The following NF1 variants were observed in gnomAD, a reference collection of about 807,000 sequenced individuals.
NF1 encodes the protein neurofibromin.
NF1 carries 122 observed loss-of-function variants against 325.7 expected under a neutral mutation model. The ratio of observed to expected loss-of-function variants is 0.37; its 90% CI spans 0.32 to 0.44. The LOEUF is 0.44. Ranked by LOEUF, NF1 falls within the 20% of genes least tolerant of loss-of-function variation. The pLI is 1.00. For missense variants in NF1, 2,140 were observed against 3,415.4 expected (o/e 0.63, Z 9.31); for synonymous variants, 1,091 against 1,186.0 (o/e 0.92, Z 1.65).
rs1597658684 is a variant in NF1, at chr17:31,181,772, G to A, written c.717G>A (p.Gln239=). The A allele has an allele frequency of 1.2e-6, 2 of 1,603,714 alleles. No homozygotes were observed. The highest frequency in any genetic ancestry group is 1.7e-6 in the Non-Finnish European group (2 of 1,171,830). The change falls in exon 7 of 58, where the codon CAG becomes CAA. Residue 239 remains glutamine (Q), a synonymous_variant. Coordinates refer to ENST00000358273, the MANE Select transcript of NF1 (RefSeq NM_001042492.3). ...TTACAAAACTGTACCAGATCCCACA[G>A]ACTGATATGGCTGGTAAGGATACGA... The part of the protein sequence containing the change: ...DEFTKLYQIP[Q]TDMAECAEKL...
At position 31,352,237 on chromosome 17, in the gene NF1, C is replaced by G. The variant is rs1281985112; in HGVS notation, c.7458-20C>G. On this transcript the variant is annotated intron_variant, in intron 50 of 57. Coordinates refer to ENST00000358273, the MANE Select transcript of NF1 (RefSeq NM_001042492.3). The stretch of plus-strand genomic sequence containing the variant: ...TGTCACCATATTAATTGATTTTTCT[C>G]TATTGTTTTCATCTTTCAGGACACT... 2.5e-6 allele frequency: 4 copies of G among 1,612,256 alleles called. No homozygotes were observed. Among genetic ancestry groups the G allele is most frequent in the Middle Eastern group, 1.7e-4 (1 of 6,048 alleles).
At chr17:31,296,541 G>C in intron 36 of NF1, 1 of 585,000 alleles carries the variant, frequency 1.7e-6, no homozygotes, top group Non-Finnish European at 3.1e-6. Flanking sequence ...GTGGTAGAGA[G>C]AGACTCTCTC....
At chr17:31,196,426 G>A (rs1179434863) in intron 8 of NF1, among the ~76,000 whole-genome samples, 1 of 151,780 alleles carries the variant, frequency 6.6e-6, no homozygotes, top group African/African-American at 2.4e-5. Flanking sequence ...AATATATTCT[G>A]GTTATTCACC....
chr17:31,142,484 C>T (rs1411115372), intron 1 of NF1, among the ~76,000 whole-genome samples: 1 of 151,992 alleles, frequency 6.6e-6, no homozygotes, highest in Admixed American at 6.6e-5. Flanking sequence ...TAATTATTTT[C>T]TTATATGTGT....
rs200104394 is a variant in NF1, at chr17:31,235,903, C to A, written c.3871-15C>A. 1 of 1,609,866 alleles carries A rather than the reference C, an allele frequency of 6.2e-7. No homozygotes were observed. The highest frequency in any genetic ancestry group is 1.1e-5 in the South Asian group (1 of 90,962). ...GGAGCAGGTATAATAAACTCCTATT[C>A]GTGCATTTCTGTAGGTATATGGTGC... On this transcript the variant is annotated splice_polypyrimidine_tract_variant and intron_variant, in intron 28 of 57. Coordinates refer to ENST00000358273, the MANE Select transcript of NF1 (RefSeq NM_001042492.3).
chr17:31,301,069 AT>A (rs1212572633), intron 36 of NF1, among the ~76,000 whole-genome samples: 1 of 149,972 alleles, frequency 6.7e-6, no homozygotes, highest in African/African-American at 2.5e-5. Flanking sequence ...TTAAGTTTTA[AT>A]TTTTTTTTCC....
Position 31,186,240 on chromosome 17 carries a change from T to C in NF1, c.888+3575T>C, listed in dbSNP as rs557307016. On this transcript the variant is annotated intron_variant, in intron 8 of 57. Coordinates refer to ENST00000358273, the MANE Select transcript of NF1 (RefSeq NM_001042492.3). The stretch of plus-strand genomic sequence containing the variant: ...CCACCGTACCTTCTCTCTCCCCACC[T>C]ATACTGATAGCCTCATAGGGAGTTC... Among the ~76,000 whole-genome samples the C allele has an allele frequency of 5.3e-5, 8 of 152,280 alleles. No individual in the cohort carries two copies. In the East Asian group the frequency reaches 1.4e-3, roughly 26 times the overall value.
At chr17:31,259,233 T>G (rs2067642495) in intron 33 of NF1, 104 bp downstream of exon 33, 1 of 749,010 alleles carries the variant, frequency 1.3e-6, no homozygotes, top group Admixed American at 2.1e-5. Flanking sequence ...TGTAAGTTTT[T>G]TTCTTTTCCT....
intron 8 of NF1, among the ~76,000 whole-genome samples, chr17:31,191,346 A>G (rs2066338861): frequency 6.6e-6 from 1 of 152,216 alleles, no homozygotes; most frequent in Non-Finnish European, 1.5e-5. Flanking sequence ...GAGTATACAT[A>G]TTATTTATAA....
intron 16 of NF1, 151 bp from the exon 17 acceptor site, chr17:31,224,944 G>T: frequency 1.3e-6 from 1 of 744,964 alleles, no homozygotes; most frequent in Non-Finnish European, 2.3e-6. Flanking sequence ...TGTTCTAATG[G>T]GTTTCTAGTG....
chr17:31,220,523 TA>T (rs2066903621), intron 14 of NF1, among the ~76,000 whole-genome samples: 1 of 152,148 alleles, frequency 6.6e-6, no homozygotes, highest in Non-Finnish European at 1.5e-5. Context: ...TATAATAGAA[TA>T]TTAAGAGAGC....
In NF1 at chr17:31,358,468, T is replaced by A; in HGVS notation, c.7971-12T>A. The A allele has an allele frequency of 6.2e-7, 1 of 1,613,220 alleles. No homozygotes were observed. Among genetic ancestry groups the A allele is most frequent in the Non-Finnish European group, 8.5e-7 (1 of 1,179,454 alleles). ...CTAAAATGTTCCTCTGTTGACTTTT[T>A]TTTTCTTTTAGGCATAATTTGTTGG... On this transcript the variant is annotated splice_polypyrimidine_tract_variant and intron_variant, in intron 54 of 57. Coordinates refer to ENST00000358273, the MANE Select transcript of NF1 (RefSeq NM_001042492.3).
intron 47 of NF1, 78 bp downstream of exon 47, chr17:31,340,723 A>G: frequency 6.8e-7 from 1 of 1,464,460 alleles, no homozygotes; most frequent in Non-Finnish European, 9.5e-7. Context: ...CTATTCTTTT[A>G]AAATCACAAG....
At chr17:31,304,923 C>G (rs558600729) in intron 36 of NF1, 4 of 1,614,098 alleles carry the variant, frequency 2.5e-6, no homozygotes, top group South Asian at 2.2e-5. Context: ...AAACTGGTTT[C>G]CTTAAGCATT....
intron 14 of NF1, among the ~76,000 whole-genome samples, chr17:31,219,959 G>A (rs2066893730): frequency 1.3e-5 from 2 of 151,984 alleles, no homozygotes; most frequent in South Asian, 4.2e-4. Context: ...TTATCAGTTG[G>A]TGGACGTTTG....
At chr17:31,139,715 TTTCGGAC>T (rs1293979426) in intron 1 of NF1, among the ~76,000 whole-genome samples, 1 of 152,218 alleles carries the variant, frequency 6.6e-6, no homozygotes, top group Non-Finnish European at 1.5e-5. Flanking sequence ...TATGTCTGAT[TTTCGGAC>T]TTGGAAGCAA....
At chr17:31,313,547 T>A (rs2151519956) in intron 36 of NF1, among the ~76,000 whole-genome samples, 1 of 151,720 alleles carries the variant, frequency 6.6e-6, no homozygotes. Context: ...CTACTAAAAA[T>A]ACAAAAAAAT....
At chr17:31,274,794 T>C (rs1314553647) in intron 36 of NF1, among the ~76,000 whole-genome samples, 4 of 152,182 alleles carry the variant, frequency 2.6e-5, no homozygotes, top group Admixed American at 2.0e-4. Context: ...CTGTGACTTA[T>C]TCTATTTTTC....
At chr17:31,299,295 A>ATAAG (rs1231637739) in intron 36 of NF1, among the ~76,000 whole-genome samples, 1 of 151,824 alleles carries the variant, frequency 6.6e-6, no homozygotes, top group Non-Finnish European at 1.5e-5. Flanking sequence ...AAATAAATAA[A>ATAAG]TAAAAGAAAT....
Sources: gnomAD v4.1 joint callset for allele counts (sites outside exome capture counted in the v4.1 genomes callset) on GRCh38, gnomAD v4.1.1 for gene constraint, MANE v1.5 for transcripts, NCBI Gene and HGNC (gene_info 2026-07-23, HGNC 2026-07-21) for gene names.